PPP2R2B: variants seen among roughly 807,000 people sequenced by gnomAD.
PPP2R2B encodes protein phosphatase 2 regulatory subunit Bbeta.
PPP2R2B carries 5 observed loss-of-function variants against 46.0 expected under a neutral mutation model. The observed-to-expected ratio is 0.11, with a 90% CI of 0.06 to 0.23. The LOEUF is 0.23. PPP2R2B is among the 10% of genes least tolerant of loss of function. PPP2R2B has a pLI of 1.00. For synonymous variants in PPP2R2B, 215 were observed against 206.7 expected, an observed-to-expected ratio of 1.04 and a Z score of -0.34; for missense variants, 367 against 575.0, an observed-to-expected ratio of 0.64 and a Z score of 3.70.
In PPP2R2B at chr5:146,587,937, A is replaced by T. The variant is rs1770250541; in HGVS notation, c.*2010T>A. The T allele has an allele frequency of 6.6e-6, 1 of 152,210 alleles. No homozygotes were observed. The highest frequency in any genetic ancestry group is 1.9e-4 in the East Asian group (1 of 5,190). 9.4% of individuals were successfully genotyped at this position (152,210 alleles called of 1,614,324 possible). ...ACCCCCGACGTGGTACAGACAGAGGAGCTGAGTCCGGAGAAGTGGAGAAAA... is the reference window on the plus strand; with the variant it reads ...ACCCCCGACGTGGTACAGACAGAGGTGCTGAGTCCGGAGAAGTGGAGAAAA... On this transcript the variant is annotated 3_prime_UTR_variant, in exon 10 of 10. Transcript: ENST00000394411.
chr5:146,722,663 A>G (rs1751601816), intron 2 of PPP2R2B, among the ~76,000 whole-genome samples: 1 of 152,242 alleles, frequency 6.6e-6, no homozygotes, highest in Non-Finnish European at 1.5e-5. Context: ...ACTGACAAGC[A>G]AGTGGGTTGC....
At chr5:147,033,509 G>A (rs1027839064) in intron 1 of PPP2R2B, among the ~76,000 whole-genome samples, 10 of 152,132 alleles carry the variant, frequency 6.6e-5, no homozygotes, top group African/African-American at 9.7e-5. Flanking sequence ...GAATGAACCC[G>A]AGAAGATACT....
intron 2 of PPP2R2B, among the ~76,000 whole-genome samples, chr5:146,759,522 C>T (rs1351753814): frequency 6.6e-6 from 1 of 152,190 alleles, no homozygotes; most frequent in African/African-American, 2.4e-5. Context: ...TTCACCCCCA[C>T]CTCCCCTGTG....
intron 2 of PPP2R2B, among the ~76,000 whole-genome samples, chr5:146,827,045 G>T (rs1489946596): frequency 6.6e-6 from 1 of 152,236 alleles, no homozygotes; most frequent in African/African-American, 2.4e-5. Flanking sequence ...TTAAGTTTCT[G>T]CTTCTTCCCC....
chr5:146,930,730 G>T (rs1290194994), intron 1 of PPP2R2B, among the ~76,000 whole-genome samples: 1 of 152,124 alleles, frequency 6.6e-6, no homozygotes, highest in African/African-American at 2.4e-5. Context: ...TTGACATTGT[G>T]GTTTCTCTTG....
chr5:147,054,230 G>A (rs941354419), intron 1 of PPP2R2B, among the ~76,000 whole-genome samples: 12 of 152,104 alleles, frequency 7.9e-5, no homozygotes, highest in African/African-American at 2.7e-4. Flanking sequence ...AATTTTCAAA[G>A]TCTAAGCAGG....
At chr5:146,841,453 G>A (rs1381456410) in intron 2 of PPP2R2B, among the ~76,000 whole-genome samples, 2 of 152,106 alleles carry the variant, frequency 1.3e-5, no homozygotes, top group Non-Finnish European at 2.9e-5. Context: ...TGCATTTTCT[G>A]ATTGTGAAAA....
intron 1 of PPP2R2B, among the ~76,000 whole-genome samples, chr5:147,000,549 C>T (rs951612802): frequency 3.9e-5 from 6 of 152,018 alleles, no homozygotes; most frequent in Non-Finnish European, 8.8e-5. Flanking sequence ...AAAGTAATTG[C>T]AGTTTTTGCC....
At chr5:146,930,220 T>C (rs1486023187) in intron 1 of PPP2R2B, among the ~76,000 whole-genome samples, 1 of 152,056 alleles carries the variant, frequency 6.6e-6, no homozygotes, top group Non-Finnish European at 1.5e-5. Flanking sequence ...AGCTGGTCAG[T>C]GAGGATCCAG....
chr5:146,640,263 T>C (rs1775108575), intron 6 of PPP2R2B, among the ~76,000 whole-genome samples: 1 of 152,260 alleles, frequency 6.6e-6, no homozygotes. Flanking sequence ...TACATGTTAC[T>C]ACAATTTCTC....
chr5:146,864,597 G>A (rs1344944062), intron 2 of PPP2R2B, among the ~76,000 whole-genome samples: 3 of 151,980 alleles, frequency 2.0e-5, no homozygotes, highest in Non-Finnish European at 4.4e-5. Flanking sequence ...ATGATGCCCT[G>A]GAACCATGAA....
chr5:146,670,332 A>G (rs562981302), intron 5 of PPP2R2B, among the ~76,000 whole-genome samples: 6 of 152,188 alleles, frequency 3.9e-5, no homozygotes, highest in African/African-American at 1.4e-4. Context: ...TTCGAGATGA[A>G]CTCAGTTGGT....
At chr5:146,590,464 A>G (rs1483012192) in intron 9 of PPP2R2B, among the ~76,000 whole-genome samples, 1 of 128,240 alleles carries the variant, frequency 7.8e-6, no homozygotes, top group African/African-American at 3.1e-5. Context: ...GAAATGAGGG[A>G]TGGTGAGAAC....
At chr5:146,774,591 C>T (rs10068903) in intron 2 of PPP2R2B, among the ~76,000 whole-genome samples, 29,670 of 151,826 alleles carry the variant, frequency 0.2, 3,093 homozygotes, top group East Asian at 0.42. Flanking sequence ...CCAAGGTGGG[C>T]GGATCACCTG....
At chr5:146,815,962 A>G (rs886667437) in intron 2 of PPP2R2B, among the ~76,000 whole-genome samples, 1 of 152,186 alleles carries the variant, frequency 6.6e-6, no homozygotes, top group African/African-American at 2.4e-5. Context: ...TTTCCCTGCA[A>G]ATATTTGAAG....
At chr5:146,678,138 C>A (rs181985886) in intron 5 of PPP2R2B, among the ~76,000 whole-genome samples, 1 of 152,092 alleles carries the variant, frequency 6.6e-6, no homozygotes, top group African/African-American at 2.4e-5. Context: ...ATGCAAAAAT[C>A]CTCAATAAAA....
At chr5:146,600,542 A>T in intron 7 of PPP2R2B, 82 bp from the exon 8 acceptor site, 1 of 1,398,752 alleles carries the variant, frequency 7.1e-7, no homozygotes. Flanking sequence ...TAGGAAGCTG[A>T]CAGTGTAACT....
intron 1 of PPP2R2B, among the ~76,000 whole-genome samples, chr5:146,958,997 A>G (rs568181977): frequency 6.6e-6 from 1 of 152,296 alleles, no homozygotes; most frequent in East Asian, 1.9e-4. Flanking sequence ...AGCTGTTGAG[A>G]TCTTGTTTAT....
intron 2 of PPP2R2B, among the ~76,000 whole-genome samples, chr5:146,820,373 A>C (rs947993443): frequency 6.6e-6 from 1 of 152,178 alleles, no homozygotes; most frequent in Non-Finnish European, 1.5e-5. Flanking sequence ...AAACAAAACA[A>C]AAACCATGCT....
Sources: gnomAD v4.1 joint callset for allele counts (sites outside exome capture counted in the v4.1 genomes callset) on GRCh38, gnomAD v4.1.1 for gene constraint, MANE v1.5 for transcripts, NCBI Gene and HGNC (gene_info 2026-07-23, HGNC 2026-07-21) for gene names.